METTL16: variants seen among roughly 807,000 people sequenced by gnomAD.
The protein encoded by METTL16 is RNA N(6)-adenosine-methyltransferase METTL16.
In METTL16, 19 loss-of-function variants were observed where a neutral mutation model predicts 57.9. The observed-to-expected ratio is 0.33, with a 90% CI of 0.23 to 0.48. METTL16 has a LOEUF of 0.48. Among genes scored for constraint, METTL16 ranks in the 20% least tolerant of loss-of-function variants. The pLI is 0.99. For missense variants in METTL16, 434 were observed against 691.5 expected, an observed-to-expected ratio of 0.63 and a Z score of 4.18; for synonymous variants, 246 against 255.6, an observed-to-expected ratio of 0.96 and a Z score of 0.36.
intron 3 of METTL16, among the ~76,000 whole-genome samples, chr17:2,474,852 G>A (rs1163644486): frequency 2.0e-5 from 3 of 152,166 alleles, no homozygotes; most frequent in Admixed American, 6.5e-5. Context: ...CCTGGGAGGC[G>A]GAGGTTGCAG....
chr17:2,450,208 G>C (rs1243663101), intron 6 of METTL16, among the ~76,000 whole-genome samples: 1 of 152,170 alleles, frequency 6.6e-6, no homozygotes, highest in Non-Finnish European at 1.5e-5. Context: ...GCCAAAACCT[G>C]GAAATGACCC....
At chr17:2,434,713 G>A (rs2066897256) in intron 8 of METTL16, among the ~76,000 whole-genome samples, 1 of 152,162 alleles carries the variant, frequency 6.6e-6, no homozygotes, top group East Asian at 1.9e-4. Flanking sequence ...GGCACTGTCA[G>A]GATACCCAGC....
Position 2,419,607 on chromosome 17 carries a change from T to G in METTL16, c.*363A>C. 1.3e-5 allele frequency: 6 copies of G among 479,496 alleles called. No individual in the cohort carries two copies. Among genetic ancestry groups the G allele is most frequent in the Middle Eastern group, 3.2e-4 (1 of 3,164 alleles). 29.7% of individuals were successfully genotyped at this position (479,496 alleles called of 1,614,324 possible). A position where few individuals can be genotyped will look rare whatever the true frequency, so the allele number is the denominator to read the frequency against. ...ACACCCTTGGGTGACAGAGACAGCA[T>G]GATATTCTAGGCAGTGCTGCCCAGC... On this transcript the variant is annotated 3_prime_UTR_variant, in exon 10 of 10. Transcript: ENST00000263092.
intron 8 of METTL16, 75 bp downstream of exon 8, chr17:2,438,034 A>G (rs899231362): frequency 1.9e-6 from 2 of 1,063,894 alleles, no homozygotes; most frequent in African/African-American, 1.6e-5. Flanking sequence ...GACACTACCA[A>G]TTCAGTTCAC....
chr17:2,494,946 A>T (rs1410960000), intron 2 of METTL16, among the ~76,000 whole-genome samples: 1 of 151,788 alleles, frequency 6.6e-6, no homozygotes, highest in Non-Finnish European at 1.5e-5. Flanking sequence ...TGCACATCTT[A>T]TTATTTAAGA....
At chr17:2,452,751 T>C (rs1249149251) in intron 6 of METTL16, among the ~76,000 whole-genome samples, 2 of 152,234 alleles carry the variant, frequency 1.3e-5, no homozygotes, top group Non-Finnish European at 2.9e-5. Context: ...GTATGTGTTT[T>C]TTCCTAAGCT....
chr17:2,469,588 A>T (rs535160043), intron 4 of METTL16, among the ~76,000 whole-genome samples: 39 of 152,254 alleles, frequency 2.6e-4, no homozygotes, highest in Admixed American at 1.2e-3. Context: ...CAGCGGCGAG[A>T]TCTCCACTCA....
intron 6 of METTL16, among the ~76,000 whole-genome samples, chr17:2,446,694 C>A (rs950431820): frequency 1.3e-5 from 2 of 151,976 alleles, no homozygotes; most frequent in African/African-American, 4.8e-5. Context: ...CATCTCGGCT[C>A]ACTGCAGCCT....
intron 8 of METTL16, 130 bp downstream of exon 8, chr17:2,437,979 T>C: frequency 2.9e-6 from 2 of 700,562 alleles, no homozygotes; most frequent in East Asian, 2.8e-5. Context: ...TTACAACCCC[T>C]TTCCATTCTG....
At chr17:2,499,346 T>C (rs2151579123) in intron 2 of METTL16, among the ~76,000 whole-genome samples, 1 of 150,838 alleles carries the variant, frequency 6.6e-6, no homozygotes, top group African/African-American at 2.5e-5. Context: ...TTTTTTTTTT[T>C]TTTTTAATTA....
intron 2 of METTL16, among the ~76,000 whole-genome samples, chr17:2,488,866 C>T (rs768139402): frequency 2.6e-5 from 4 of 152,252 alleles, no homozygotes; most frequent in Admixed American, 1.3e-4. Context: ...AATTATTATT[C>T]GCGTACTGTA....
intron 6 of METTL16, among the ~76,000 whole-genome samples, chr17:2,460,880 A>G (rs1396182784): frequency 6.7e-6 from 1 of 148,256 alleles, no homozygotes; most frequent in African/African-American, 2.5e-5. Context: ...AGGGAAACTC[A>G]GTCTCAAAAA....
At chr17:2,448,801 TTAAAA>T (rs2067043307) in intron 6 of METTL16, among the ~76,000 whole-genome samples, 5 of 47,416 alleles carry the variant, frequency 1.1e-4, no homozygotes, top group African/African-American at 1.9e-4. Context: ...AAAATAAAAT[TTAAAA>T]AAAAAAAAAA....
At position 2,418,954 on chromosome 17, in the gene METTL16, A is replaced by C. The variant is rs1248890477; in HGVS notation, c.*1016T>G. The C allele has an allele frequency of 6.6e-6, 1 of 152,242 alleles. No individual in the cohort carries two copies. The highest frequency in any genetic ancestry group is 1.5e-5 in the Non-Finnish European group (1 of 68,100). 9.4% of individuals were successfully genotyped at this position (152,242 alleles called of 1,614,324 possible). On this transcript the variant is annotated 3_prime_UTR_variant, in exon 10 of 10. Coordinates refer to ENST00000263092, the MANE Select transcript of METTL16 (RefSeq NM_024086.4). ...CCAATTAGAAACGTGTTTCAAGGACACAGTTACTCCGGCCTCAGAACTCTC... is the reference window on the plus strand; with the variant it reads ...CCAATTAGAAACGTGTTTCAAGGACCCAGTTACTCCGGCCTCAGAACTCTC...
At chr17:2,445,794 A>T (rs547914871) in intron 6 of METTL16, among the ~76,000 whole-genome samples, 16 of 152,026 alleles carry the variant, frequency 1.1e-4, no homozygotes, top group South Asian at 8.3e-4. Context: ...TTAAAAAAAA[A>T]AAATTAATTA....
intron 8 of METTL16, among the ~76,000 whole-genome samples, chr17:2,428,402 G>T (rs2066835589): frequency 6.6e-6 from 1 of 151,208 alleles, no homozygotes; most frequent in Non-Finnish European, 1.5e-5. Flanking sequence ...GGTTAACTGT[G>T]CCTCAGTAGA....
In METTL16 at chr17:2,416,732, C is replaced by G. The variant is rs2066719271; in HGVS notation, c.*3238G>C. 1 of 152,176 alleles carries G rather than the reference C, an allele frequency of 6.6e-6. No homozygotes were observed. Among genetic ancestry groups the G allele is most frequent in the South Asian group, 2.1e-4 (1 of 4,826 alleles). 9.4% of individuals were successfully genotyped at this position (152,176 alleles called of 1,614,324 possible). A position where few individuals can be genotyped will look rare whatever the true frequency, so the allele number is the denominator to read the frequency against. ...AGAAGAGAATGTAGGGTCACATCAC[C>G]AAGATTTAATTTCATACCAACCCCG... On this transcript the variant is annotated 3_prime_UTR_variant, in exon 10 of 10. Transcript: ENST00000263092.
rs71889986 is a variant in METTL16 at position 2,501,857 on chromosome 17, C to CA, written c.128+346dup. Reference sequence around the variant, plus strand: ...TGGGCAACAGAGCGAGACTTTGTCTCAAAAAAAAAAAAAAAAGTGTTTAGA... The same window carrying CA: ...TGGGCAACAGAGCGAGACTTTGTCTCAAAAAAAAAAAAAAAAAGTGTTTAGA... On this transcript the variant is annotated intron_variant, in intron 2 of 9. Transcript: ENST00000263092. 9.1e-3 allele frequency among the ~76,000 whole-genome samples: 908 copies of CA among 100,302 alleles called. 1 individual carries two copies. Among genetic ancestry groups the CA allele is most frequent in the African/African-American group, 0.024 (611 of 25,180 alleles). 65.8% of individuals were successfully genotyped at this position (100,302 alleles called of 152,430 possible). A position where few individuals can be genotyped will look rare whatever the true frequency, so the allele number is the denominator to read the frequency against.
At chr17:2,473,694 T>C in intron 3 of METTL16, 30 bp from the exon 4 acceptor site, 2 of 1,600,386 alleles carry the variant, frequency 1.2e-6, no homozygotes, top group South Asian at 2.2e-5. Flanking sequence ...AAACACATTC[T>C]ACACACCAGA....
Sources: allele counts gnomAD v4.1 joint callset (sites outside exome capture counted in the v4.1 genomes callset), GRCh38; gene constraint gnomAD v4.1.1; transcripts MANE v1.5; gene names NCBI Gene and HGNC (gene_info 2026-07-23, HGNC 2026-07-21).